Variants in CHCT1 observed in about 807,000 individuals in gnomAD.
CHCT1 encodes the protein CHD1 helical C-terminal domain containing protein 1.
At chr17:60,426,048 G>A in the CHCT1 span, 15 of 1,310,536 alleles carry the variant, frequency 1.1e-5, no homozygotes, top group African/African-American at 5.9e-5. Context: ...CCCGAAACAC[G>A]CAGCACTGGG....
the CHCT1 span, chr17:60,421,872 C>T: frequency 1.0e-6 from 1 of 985,478 alleles, no homozygotes; most frequent in African/African-American, 1.7e-5. Flanking sequence ...GGCGACGGGA[C>T]TTGCCCGCGT....
the CHCT1 span, among the ~76,000 whole-genome samples, chr17:60,424,961 T>C: frequency 6.6e-6 from 1 of 152,186 alleles, no homozygotes; most frequent in Non-Finnish European, 1.5e-5. Flanking sequence ...GCGTTTTCTC[T>C]TTAAATATTA....
At chr17:60,426,632 C>T in the CHCT1 span, 2 of 1,526,656 alleles carry the variant, frequency 1.3e-6, no homozygotes, top group South Asian at 2.4e-5. Context: ...CCATATTCCC[C>T]TGGGTGGGTC....
At chr17:60,430,025 G>T in the CHCT1 span, among the ~76,000 whole-genome samples, 1 of 151,028 alleles carries the variant, frequency 6.6e-6, no homozygotes, top group Non-Finnish European at 1.5e-5. Flanking sequence ...GGGTTTCACG[G>T]TGTTGCCCAA....
chr17:60,425,846 C>T, the CHCT1 span: 19 of 1,551,622 alleles, frequency 1.2e-5, no homozygotes, highest in African/African-American at 1.4e-5. Flanking sequence ...CTCGCTCATG[C>T]GCCATGCCAA....
chr17:60,429,693 ATCT>A, the CHCT1 span: 2 of 727,024 alleles, frequency 2.8e-6, no homozygotes, highest in South Asian at 5.2e-5. Flanking sequence ...CCTCCTTTCC[ATCT>A]TCTCTTCATC....
the CHCT1 span, among the ~76,000 whole-genome samples, chr17:60,429,167 C>T: frequency 6.6e-6 from 1 of 152,230 alleles, no homozygotes; most frequent in Non-Finnish European, 1.5e-5. Flanking sequence ...CGCAGGAGGA[C>T]ACCATTGGCA....
At chr17:60,427,050 G>A in the CHCT1 span, among the ~76,000 whole-genome samples, 3 of 152,200 alleles carry the variant, frequency 2.0e-5, no homozygotes, top group African/African-American at 4.8e-5. Flanking sequence ...GGGCAAGCCC[G>A]GGAAAGTTCT....
chr17:60,429,285 C>A, the CHCT1 span: 1 of 1,458,756 alleles, frequency 6.9e-7, no homozygotes, highest in South Asian at 1.3e-5. Context: ...CATTTCTCAA[C>A]AAATGCGGTG....
the CHCT1 span, chr17:60,421,368 C>G: frequency 2.0e-6 from 2 of 985,478 alleles, no homozygotes; most frequent in Non-Finnish European, 2.4e-6. Context: ...CCGGGCTACC[C>G]CTACTTGAAG....
At chr17:60,423,802 A>G in the CHCT1 span, among the ~76,000 whole-genome samples, 9 of 152,228 alleles carry the variant, frequency 5.9e-5, no homozygotes, top group Non-Finnish European at 1.2e-4. Flanking sequence ...TTTGTGGTCA[A>G]AGGTTCTTTC....
chr17:60,424,788 G>T, the CHCT1 span, among the ~76,000 whole-genome samples: 15 of 151,804 alleles, frequency 9.9e-5, no homozygotes, highest in South Asian at 2.1e-4. Flanking sequence ...CAGGAGAATC[G>T]CTTGAACCCG....
At chr17:60,429,522 C>T in the CHCT1 span, 1 of 1,614,228 alleles carries the variant, frequency 6.2e-7, no homozygotes, top group South Asian at 1.1e-5. Flanking sequence ...AGCCCCCTGC[C>T]TGGGCAGCCA....
At chr17:60,426,497 G>A in the CHCT1 span, 1 of 1,039,916 alleles carries the variant, frequency 9.6e-7, no homozygotes, top group Non-Finnish European at 1.4e-6. Flanking sequence ...GGACAGCCCT[G>A]ACTGCACCTT....
At chr17:60,425,993 T>G in the CHCT1 span, 9 of 1,279,158 alleles carry the variant, frequency 7.0e-6, no homozygotes, top group South Asian at 1.2e-4. Context: ...CCACTTGTCT[T>G]ACTCTTGGTA....
At chr17:60,421,289 C>T in the CHCT1 span, 1 of 853,200 alleles carries the variant, frequency 1.2e-6, no homozygotes, top group Non-Finnish European at 1.4e-6. Context: ...GTTTGCTGAA[C>T]ATGCTGGCAT....
the CHCT1 span, among the ~76,000 whole-genome samples, chr17:60,430,148 T>A: frequency 3.1e-5 from 3 of 96,640 alleles, no homozygotes; most frequent in Admixed American, 1.1e-4. Flanking sequence ...TTTTTTTTTT[T>A]ACATTCCTGA....
At chr17:60,422,027 C>T in the CHCT1 span, 3 of 880,116 alleles carry the variant, frequency 3.4e-6, no homozygotes, top group Non-Finnish European at 4.1e-6. Context: ...CAGCACCCAG[C>T]ACCCAGCACG....
At chr17:60,428,686 C>T in the CHCT1 span, among the ~76,000 whole-genome samples, 1 of 151,704 alleles carries the variant, frequency 6.6e-6, no homozygotes, top group Non-Finnish European at 1.5e-5. Flanking sequence ...GGGGTTTCAC[C>T]TTGTTGGCCA....
Sources: gnomAD v4.1 joint callset for allele counts (sites outside exome capture counted in the v4.1 genomes callset) on GRCh38, gnomAD v4.1.1 for gene constraint, MANE v1.5 for transcripts, NCBI Gene and HGNC (gene_info 2026-07-23, HGNC 2026-07-21) for gene names.